SLN: variants seen among roughly 807,000 people sequenced by gnomAD.
SLN encodes sarcolipin.
For missense variants in SLN, 34 were observed against 37.4 expected, an observed-to-expected ratio of 0.91 and a Z score of 0.24; for synonymous variants, 19 against 14.4, an observed-to-expected ratio of 1.32 and a Z score of -0.72.
intron 1 of SLN, among the ~76,000 whole-genome samples, chr11:107,709,346 G>T (rs1396580344): frequency 2.0e-5 from 3 of 152,118 alleles, no homozygotes; most frequent in Non-Finnish European, 2.9e-5. Context: ...AGGGAGAAAG[G>T]GTATTTTGTG....
At chr11:107,709,128 C>T (rs767238108) in intron 1 of SLN, among the ~76,000 whole-genome samples, 4 of 152,188 alleles carry the variant, frequency 2.6e-5, no homozygotes, top group Non-Finnish European at 4.4e-5. Context: ...GGGATGGTAT[C>T]TTCATAGTAT....
At chr11:107,709,267 A>G (rs1036472834) in intron 1 of SLN, among the ~76,000 whole-genome samples, 1 of 152,214 alleles carries the variant, frequency 6.6e-6, no homozygotes, top group Non-Finnish European at 1.5e-5. Context: ...AAAGATTTAT[A>G]TATTTTAGAT....
chr11:107,710,394 T>C (rs761391774), intron 1 of SLN, among the ~76,000 whole-genome samples: 1 of 152,238 alleles, frequency 6.6e-6, no homozygotes, highest in Non-Finnish European at 1.5e-5. Flanking sequence ...TATTGAAAGC[T>C]GTTCCACAGC....
rs1351205023 is a variant in SLN at position 107,707,637 on chromosome 11, GCAGCC to G, written c.*193_*197del. On this transcript the variant is annotated 3_prime_UTR_variant, in exon 2 of 2. Transcript: ENST00000305991. ...TCTACCGTTCCCTGGCAAACACTTGGCAGCCCTTGGGAGCAGCATCTTTGGAGAAC... is the reference window on the plus strand; with the variant it reads ...TCTACCGTTCCCTGGCAAACACTTGGCTTGGGAGCAGCATCTTTGGAGAAC... 2.0e-6 allele frequency: 1 copy of G among 507,796 alleles called. No homozygotes were observed. Among genetic ancestry groups the G allele is most frequent in the Non-Finnish European group, 3.5e-6 (1 of 285,940 alleles). The allele number at this position is 507,796 out of a possible 1,614,324, so 31.5% of individuals were successfully genotyped here.
intron 1 of SLN, among the ~76,000 whole-genome samples, chr11:107,711,675 A>T (rs1436668440): frequency 2.0e-5 from 3 of 152,158 alleles, no homozygotes; most frequent in Non-Finnish European, 4.4e-5. Flanking sequence ...GAAGTTTGAC[A>T]TTGGCTTTCT....
chr11:107,709,009 G>A (rs376418602), intron 1 of SLN, among the ~76,000 whole-genome samples: 3 of 152,212 alleles, frequency 2.0e-5, no homozygotes, highest in Admixed American at 6.5e-5. Flanking sequence ...GCATTCAGCC[G>A]AAAGAGCAAG....
chr11:107,710,219 T>A (rs1053669806), intron 1 of SLN, among the ~76,000 whole-genome samples: 1 of 152,174 alleles, frequency 6.6e-6, no homozygotes, highest in African/African-American at 2.4e-5. Flanking sequence ...TCTCAAGAAA[T>A]GCAGAGATAA....
At position 107,707,973 on chromosome 11, in the gene SLN, G is replaced by C; in HGVS notation, c.-43C>G. Reference sequence around the variant, plus strand: ...GAGAACTGCAGGCAGATTTCTGAGGGCACACCAAGGACCTCTGGCTTCTCC... The same window carrying C: ...GAGAACTGCAGGCAGATTTCTGAGGCCACACCAAGGACCTCTGGCTTCTCC... On this transcript the variant is annotated 5_prime_UTR_variant, in exon 2 of 2. Transcript: ENST00000305991. The C allele has an allele frequency of 7.2e-7, 1 of 1,393,952 alleles. No individual in the cohort carries two copies. Among genetic ancestry groups the C allele is most frequent in the Non-Finnish European group, 1.0e-6 (1 of 978,830 alleles). The allele number at this position is 1,393,952 out of a possible 1,614,324, so 86.3% of individuals were successfully genotyped here.
At position 107,707,809 on chromosome 11, in the gene SLN, C is replaced by G; in HGVS notation, c.*26G>C. On this transcript the variant is annotated 3_prime_UTR_variant, in exon 2 of 2. Coordinates refer to ENST00000305991, the MANE Select transcript of SLN (RefSeq NM_003063.3). Reference sequence around the variant, plus strand: ...GCAGGCAGCTCCGGAGCATCTCAGTCAATCCCAGGACCATGGCATGGCCTC... The same window carrying G: ...GCAGGCAGCTCCGGAGCATCTCAGTGAATCCCAGGACCATGGCATGGCCTC... The G allele has an allele frequency of 6.4e-7, 1 of 1,561,462 alleles. No individual in the cohort carries two copies. The highest frequency in any genetic ancestry group is 8.8e-7 in the Non-Finnish European group (1 of 1,132,940).
At chr11:107,711,469 A>C (rs985873140) in intron 1 of SLN, among the ~76,000 whole-genome samples, 1 of 152,240 alleles carries the variant, frequency 6.6e-6, no homozygotes, top group African/African-American at 2.4e-5. Flanking sequence ...CCTTTCACAC[A>C]CATTTATACA....
intron 1 of SLN, 107 bp from the exon 2 acceptor site, chr11:107,708,112 G>T: frequency 1.7e-6 from 1 of 605,466 alleles, no homozygotes. Flanking sequence ...AAAGGAGAGT[G>T]TGATGGGCTA....
At chr11:107,708,626 G>A (rs1009956581) in intron 1 of SLN, among the ~76,000 whole-genome samples, 8 of 152,114 alleles carry the variant, frequency 5.3e-5, no homozygotes, top group Admixed American at 4.6e-4. Flanking sequence ...ATGTCATAAA[G>A]ACCACCATTT....
intron 1 of SLN, among the ~76,000 whole-genome samples, chr11:107,710,262 A>T (rs1465338710): frequency 6.6e-6 from 1 of 152,260 alleles, no homozygotes; most frequent in Non-Finnish European, 1.5e-5. Flanking sequence ...TATAATGGTC[A>T]AAACAATTCA....
intron 1 of SLN, among the ~76,000 whole-genome samples, chr11:107,710,805 T>C (rs1002621541): frequency 6.6e-6 from 1 of 152,186 alleles, no homozygotes; most frequent in Admixed American, 6.5e-5. Flanking sequence ...ATTATCACAA[T>C]AACTCCAAAC....
At position 107,707,873 on chromosome 11, in the gene SLN, T is replaced by C. The variant is rs1867171625; in HGVS notation, c.58A>G (p.Ile20Val). 6.2e-7 allele frequency: 1 copy of C among 1,613,830 alleles called. No homozygotes were observed. The highest frequency in any genetic ancestry group is 1.3e-5 in the African/African-American group (1 of 74,886). ...GACCTCACAAGGAGCCACATAAGAA[T>C]AACCGTAATCAAGACAATAGTGAAG... is the stretch of plus-strand genomic sequence containing the variant. ...LNFTIVLITV[I>V]LMWLLVRSYQ... is the part of the protein sequence containing the mutation. The change falls in exon 2 of 2, where the codon ATT (isoleucine) becomes GTT (valine). Residue 20 changes from isoleucine (I) to valine (V), a missense_variant. Ile to Val is a conservative substitution (Grantham distance 29, BLOSUM62 3). Coordinates refer to ENST00000305991, the MANE Select transcript of SLN (RefSeq NM_003063.3).
intron 1 of SLN, among the ~76,000 whole-genome samples, chr11:107,708,398 G>T (rs1217993913): frequency 1.3e-5 from 2 of 152,078 alleles, no homozygotes; most frequent in East Asian, 3.9e-4. Context: ...ACCTTGATCT[G>T]GGACATGTAG....
chr11:107,707,648 G>T lies in SLN; in HGVS notation c.*187C>A. 3.9e-6 allele frequency: 2 copies of T among 519,000 alleles called. No homozygotes were observed. The highest frequency in any genetic ancestry group is 6.9e-6 in the Non-Finnish European group (2 of 291,904). The allele number at this position is 519,000 out of a possible 1,614,324, so 32.1% of individuals were successfully genotyped here. Reference sequence around the variant, plus strand: ...CTGGCAAACACTTGGCAGCCCTTGGGAGCAGCATCTTTGGAGAACACATAA... The same window carrying T: ...CTGGCAAACACTTGGCAGCCCTTGGTAGCAGCATCTTTGGAGAACACATAA... On this transcript the variant is annotated 3_prime_UTR_variant, in exon 2 of 2. Transcript: ENST00000305991.
intron 1 of SLN, among the ~76,000 whole-genome samples, chr11:107,708,980 A>G (rs191112691): frequency 9.4e-4 from 143 of 152,306 alleles, no homozygotes; most frequent in Middle Eastern, 6.8e-3. Context: ...GGATCAACCA[A>G]AAGCCCCTGG....
At chr11:107,710,038 C>T (rs1382406412) in intron 1 of SLN, among the ~76,000 whole-genome samples, 1 of 151,970 alleles carries the variant, frequency 6.6e-6, no homozygotes, top group Non-Finnish European at 1.5e-5. Flanking sequence ...ATGAATGGAT[C>T]AAGGAAAAAG....
Sources: gnomAD v4.1 joint callset for allele counts (sites outside exome capture counted in the v4.1 genomes callset) on GRCh38, gnomAD v4.1.1 for gene constraint, MANE v1.5 for transcripts, NCBI Gene and HGNC (gene_info 2026-07-23, HGNC 2026-07-21) for gene names.